PCDH17: variants seen among roughly 807,000 people sequenced by gnomAD.
PCDH17 encodes the protein protocadherin-17.
Under a neutral mutation model 67.7 loss-of-function variants are expected in PCDH17, and 21 were observed. That is an observed-to-expected ratio of 0.31 (90% CI 0.22 to 0.45). The LOEUF (loss-of-function observed/expected upper bound fraction) is 0.45. Among genes scored for constraint, PCDH17 ranks in the 20% least tolerant of loss-of-function variants. The pLI, the probability that PCDH17 is intolerant of heterozygous loss-of-function variation, is 1.00. For missense variants in PCDH17, 1,471 were observed against 1,564.8 expected (o/e 0.94, Z 1.01); for synonymous variants, 701 against 656.7 (o/e 1.07, Z -1.03).
At chr13:57,631,306 A>G (rs937283284), upstream of PCDH17, among the ~76,000 whole-genome samples, 18 of 152,148 alleles carry the variant, frequency 1.2e-4, no homozygotes, top group Admixed American at 9.2e-4. Flanking sequence ...GTGAATGCAG[A>G]GACTGTTTCC....
Position 57,657,437 on chromosome 13 carries a change from A to G in PCDH17, c.2566-9031A>G, listed in dbSNP as rs191111410. Among the ~76,000 whole-genome samples the G allele has an allele frequency of 1.6e-3, 239 of 152,324 alleles. 1 individual carries two copies. The highest frequency in any genetic ancestry group is 2.7e-3 in the Non-Finnish European group (182 of 68,016). The stretch of plus-strand genomic sequence containing the variant: ...TATTGCCATACTTCATACACTTTAA[A>G]AATTCCACAGCCATAGGTGCTGTCA... On this transcript the variant is annotated intron_variant, in intron 1 of 3. Coordinates refer to ENST00000377918, the MANE Select transcript of PCDH17 (RefSeq NM_001040429.3).
In PCDH17 at chr13:57,725,095, A is replaced by T; in HGVS notation, c.3281A>T (p.Asp1094Val). ...AGAGACCCTCCCTTCATGGCTTCCG[A>T]TCAGATGGCAAGGGTCTTTGCAGAT... is the stretch of plus-strand genomic sequence containing the variant. ...QPRDPPFMASDQMARVFADVH... is the reference protein window; with the variant it reads ...QPRDPPFMASVQMARVFADVH... The change falls in exon 4 of 4, where the codon GAT becomes GTT. Residue 1094 changes from aspartate (D) to valine (V), a missense_variant. By Grantham distance (152) the Asp-to-Val change is radical. This residue lies in a region of PCDH17 where 297 missense variants were observed against 298.6 expected (regional missense o/e 0.99). Transcript: ENST00000377918. 1 of 1,614,132 alleles carries T rather than the reference A, an allele frequency of 6.2e-7. No individual in the cohort carries two copies. The highest frequency in any genetic ancestry group is 8.5e-7 in the Non-Finnish European group (1 of 1,180,012).
Position 57,631,878 on chromosome 13 carries a change from A to G in PCDH17, c.-669A>G, listed in dbSNP as rs1267604269. On this transcript the variant is annotated 5_prime_UTR_variant, in exon 1 of 4. Coordinates refer to ENST00000377918, the MANE Select transcript of PCDH17 (RefSeq NM_001040429.3). ...AGATTAGATCTCTAAATGCAGCAAAACACTGCCTGAAAACAGACCGGCCCG... is the reference window on the plus strand; with the variant it reads ...AGATTAGATCTCTAAATGCAGCAAAGCACTGCCTGAAAACAGACCGGCCCG... 6.6e-6 allele frequency: 1 copy of G among 152,320 alleles called. No homozygotes were observed. Among genetic ancestry groups the G allele is most frequent in the East Asian group, 1.9e-4 (1 of 5,166 alleles). The allele number at this position is 152,320 out of a possible 1,614,324, so 9.4% of individuals were successfully genotyped here. A position where few individuals can be genotyped will look rare whatever the true frequency, so the allele number is the denominator to read the frequency against.
At chr13:57,645,336 A>T (rs529271774) in intron 1 of PCDH17, among the ~76,000 whole-genome samples, 1 of 151,736 alleles carries the variant, frequency 6.6e-6, no homozygotes, top group Non-Finnish European at 1.5e-5. Flanking sequence ...GTATACACTT[A>T]AAAAAATATG....
At chr13:57,650,241 T>TGTGC (rs1955019160) in intron 1 of PCDH17, among the ~76,000 whole-genome samples, 1 of 151,360 alleles carries the variant, frequency 6.6e-6, no homozygotes, top group African/African-American at 2.4e-5. Flanking sequence ...TGTGTGTGTG[T>TGTGC]GTGTGTGTGT....
chr13:57,672,577 C>A (rs1387496761), intron 3 of PCDH17, among the ~76,000 whole-genome samples: 6 of 152,060 alleles, frequency 3.9e-5, no homozygotes, highest in Admixed American at 3.9e-4. Context: ...GGCTCGTGCC[C>A]ACCTGGGGAC....
intron 1 of PCDH17, among the ~76,000 whole-genome samples, chr13:57,638,027 G>A (rs1216722104): frequency 6.6e-6 from 1 of 151,948 alleles, no homozygotes; most frequent in African/African-American, 2.4e-5. Flanking sequence ...AAAGTATAAA[G>A]TGTTTAAACA....
At chr13:57,698,309 A>T (rs1253023264) in intron 3 of PCDH17, among the ~76,000 whole-genome samples, 1 of 151,804 alleles carries the variant, frequency 6.6e-6, no homozygotes, top group East Asian at 1.9e-4. Flanking sequence ...AATATTTTTT[A>T]TTCATATGCT....
At chr13:57,681,758 T>A (rs1401550713) in intron 3 of PCDH17, among the ~76,000 whole-genome samples, 1 of 151,820 alleles carries the variant, frequency 6.6e-6, no homozygotes, top group African/African-American at 2.4e-5. Flanking sequence ...ATATGGTCTA[T>A]CTCCCCATTC....
At position 57,633,135 on chromosome 13, in the gene PCDH17, A is replaced by C. The variant is rs757425622; in HGVS notation, c.589A>C (p.Ile197Leu). 18 of 1,613,450 alleles carry C rather than the reference A, an allele frequency of 1.1e-5. No homozygotes were observed. The highest frequency in any genetic ancestry group is 1.4e-5 in the Non-Finnish European group (17 of 1,179,964). ...GDGTKFPELV[I>L]QKALDREQQN... ...CGGCACCAAGTTCCCAGAACTGGTCATCCAGAAGGCTCTGGACCGCGAGCA... is the reference window on the plus strand; with the variant it reads ...CGGCACCAAGTTCCCAGAACTGGTCCTCCAGAAGGCTCTGGACCGCGAGCA... Residue 197 changes from isoleucine to leucine, a missense_variant, in exon 1 of 4, where the codon ATC (isoleucine) becomes CTC (leucine). Physicochemically the swap from Ile to Leu is conservative, Grantham distance 5. This residue lies in a region of PCDH17 where 1,163 missense variants were observed against 1,230.0 expected (regional missense o/e 0.95). Transcript: ENST00000377918. This position sits in a 1 kb window ranked among gnomAD's most constrained non-coding sequence, Gnocchi z 6.2.
intron 1 of PCDH17, among the ~76,000 whole-genome samples, chr13:57,657,936 C>G (rs1955129358): frequency 6.6e-6 from 1 of 152,096 alleles, no homozygotes. Flanking sequence ...CTGAGTTGCT[C>G]TCTTAATGAC....
intron 3 of PCDH17, among the ~76,000 whole-genome samples, chr13:57,688,774 C>A (rs998065102): frequency 2.0e-5 from 3 of 152,014 alleles, no homozygotes; most frequent in Admixed American, 6.6e-5. Flanking sequence ...ATTTTTCTGG[C>A]TAAGACCTTC....
chr13:57,707,471 A>G (rs532778917), intron 3 of PCDH17, among the ~76,000 whole-genome samples: 1 of 151,972 alleles, frequency 6.6e-6, no homozygotes, highest in Admixed American at 6.6e-5. Context: ...AGTATATTCA[A>G]AACAATGTAG....
intron 3 of PCDH17, among the ~76,000 whole-genome samples, chr13:57,691,450 C>T (rs1387096074): frequency 2.0e-5 from 3 of 150,946 alleles, no homozygotes; most frequent in Non-Finnish European, 4.5e-5. Context: ...GGGATAAAAA[C>T]TAATCATGGA....
intron 1 of PCDH17, 121 bp downstream of exon 1, chr13:57,635,232 G>A (rs1226382380): frequency 1.8e-5 from 18 of 1,010,612 alleles, no homozygotes; most frequent in Non-Finnish European, 2.3e-5. Context: ...ATAATTAAAT[G>A]AAAACGGTTT....
intron 3 of PCDH17, among the ~76,000 whole-genome samples, chr13:57,670,369 C>T (rs927326330): frequency 6.6e-6 from 1 of 151,334 alleles, no homozygotes; most frequent in African/African-American, 2.4e-5. Flanking sequence ...AATATTAAAC[C>T]CTAATTTTAA....
chr13:57,680,955 A>G (rs1031196884), intron 3 of PCDH17, among the ~76,000 whole-genome samples: 1 of 151,816 alleles, frequency 6.6e-6, no homozygotes, highest in African/African-American at 2.4e-5. Context: ...AAGTTATTCA[A>G]TCAGATAACA....
chr13:57,648,486 T>A (rs1954994629), intron 1 of PCDH17, among the ~76,000 whole-genome samples: 1 of 151,960 alleles, frequency 6.6e-6, no homozygotes, highest in Non-Finnish European at 1.5e-5. Flanking sequence ...GTTAATTAGA[T>A]AAGAGCCATA....
rs768740544 is a variant in PCDH17 at position 57,632,841 on chromosome 13, A to C, written c.295A>C (p.Asn99His). 6.2e-7 allele frequency: 1 copy of C among 1,613,936 alleles called. No homozygotes were observed. The highest frequency in any genetic ancestry group is 1.1e-5 in the South Asian group (1 of 91,082). Residue 99 changes from asparagine (N) to histidine (H), a missense_variant, in exon 1 of 4, where the codon AAT (asparagine) becomes CAT (histidine). Around this residue, in one of 3 missense-constraint regions of PCDH17, gnomAD observed 1,163 missense variants for 1,230.0 expected, o/e 0.95. Transcript: ENST00000377918. Reference protein sequence around the residue: ...RIDRESLCRHNAKCQLSLEVF... With the variant: ...RIDRESLCRHHAKCQLSLEVF... ...CGACCGCGAGTCCCTGTGCCGCCAC[A>C]ATGCCAAGTGCCAGCTGTCCCTCGA... is the stretch of plus-strand genomic sequence containing the variant.
Sources: gnomAD v4.1 joint callset for allele counts (sites outside exome capture counted in the v4.1 genomes callset) on GRCh38, gnomAD v4.1.1 for gene constraint, gnomAD v4.1.1 regional missense constraint, Gnocchi (gnomAD v3.1) non-coding constraint, MANE v1.5 for transcripts, NCBI Gene and HGNC (gene_info 2026-07-23, HGNC 2026-07-21) for gene names.